The following MCF2 variants were observed in gnomAD, a reference collection of about 807,000 sequenced individuals.
MCF2 encodes proto-oncogene DBL.
MCF2 carries 44 observed loss-of-function variants against 82.5 expected under a neutral mutation model. The ratio of observed to expected loss-of-function variants is 0.53; its 90% CI spans 0.42 to 0.69. The LOEUF (loss-of-function observed/expected upper bound fraction) is 0.69, where lower values mean the gene tolerates loss of function less well. Ranked by LOEUF, MCF2 falls within the 30% of genes least tolerant of loss-of-function variation. MCF2 has a pLI of 0.00. For synonymous variants in MCF2, 217 were observed against 224.9 expected (o/e 0.96, Z 0.32); for missense variants, 623 against 663.1 (o/e 0.94, Z 0.66).
intron 19 of MCF2, among the ~76,000 whole-genome samples, chrX:139,591,755 A>G (rs1246383684): frequency 9.1e-6 from 1 of 110,253 alleles, no homozygotes; most frequent in African/African-American, 3.3e-5. Context: ...ACGGAGGGAG[A>G]GGGACAAGGG....
rs183927554 is a variant in MCF2, at chrX:139,586,676, T to A, written c.2523-189A>T. ...AATATACAAAAGCTTAAATCTCAGA[T>A]CCAAGCCAGCAGGTTCTCTATTATG... is the stretch of plus-strand genomic sequence containing the variant. On this transcript the variant is annotated intron_variant, in intron 22 of 24. Coordinates refer to ENST00000370576, the Ensembl canonical transcript of MCF2. Among the ~76,000 whole-genome samples the A allele has an allele frequency of 2.7e-5, 3 of 111,514 alleles. No homozygotes were observed. In the Admixed American group the frequency reaches 2.9e-4, roughly 11 times the overall value.
At chrX:139,588,061 G>A (rs1020936863) in intron 21 of MCF2, among the ~76,000 whole-genome samples, 29 of 111,298 alleles carry the variant, frequency 2.6e-4, no homozygotes, top group African/African-American at 9.1e-4. Context: ...ATGATTACTC[G>A]AGATATTAAG....
intron 1 of MCF2, among the ~76,000 whole-genome samples, chrX:139,636,304 T>G (rs780488978): frequency 3.6e-5 from 4 of 111,447 alleles, no homozygotes; most frequent in Non-Finnish European, 7.5e-5. Context: ...CATTATATTA[T>G]TATACTCACC....
chrX:139,632,587 T>C (rs565052336), intron 1 of MCF2, 133 bp from the exon 5 acceptor site: 19 of 417,665 alleles, frequency 4.5e-5, no homozygotes, highest in African/African-American at 3.0e-4. Context: ...GCCAACACTT[T>C]ACAAATGGAT....
At chrX:139,692,337 C>A (rs1424916883) in intron 1 of MCF2, among the ~76,000 whole-genome samples, 3 of 111,147 alleles carry the variant, frequency 2.7e-5, no homozygotes, top group Non-Finnish European at 3.8e-5. Context: ...TCCTCCGGAG[C>A]CCCCCTAGTA....
At chrX:139,672,498 T>C (rs866944041) in intron 1 of MCF2, among the ~76,000 whole-genome samples, 14 of 112,462 alleles carry the variant, frequency 1.2e-4, no homozygotes, top group African/African-American at 4.5e-4. Context: ...CATCAATACC[T>C]AGTTTATTGA....
At chrX:139,608,397 A>C (rs1453993728) in intron 11 of MCF2, among the ~76,000 whole-genome samples, 2 of 111,498 alleles carry the variant, frequency 1.8e-5, no homozygotes, top group African/African-American at 6.5e-5. Context: ...AGTCGCTATA[A>C]GTTGCCTCCC....
chrX:139,586,401 G>A, exon 23 of MCF2: 1 of 1,208,693 alleles, frequency 8.3e-7, no homozygotes, highest in Non-Finnish European at 1.1e-6. Context: ...TGCCTGAACT[G>A]ACGCAATTGC....
chrX:139,700,469 A>G (rs932385802), intron 1 of MCF2, among the ~76,000 whole-genome samples: 4 of 112,103 alleles, frequency 3.6e-5, no homozygotes, highest in African/African-American at 9.7e-5. Context: ...TTAATAGAAT[A>G]TTGATATTTT....
chrX:139,646,362 T>A (rs1933801630), upstream of MCF2, among the ~76,000 whole-genome samples: 1 of 112,011 alleles, frequency 8.9e-6, no homozygotes, highest in African/African-American at 3.2e-5. Flanking sequence ...AAATAATTTT[T>A]AATTTCAAGA....
intron 1 of MCF2, among the ~76,000 whole-genome samples, chrX:139,662,969 CATG>C (rs1934396790): frequency 8.9e-6 from 1 of 112,110 alleles, no homozygotes; most frequent in African/African-American, 3.2e-5. Context: ...CTGCAAATGA[CATG>C]ATTTCATTTT....
At chrX:139,702,737 G>A (rs1386147410) in intron 1 of MCF2, among the ~76,000 whole-genome samples, 2 of 112,476 alleles carry the variant, frequency 1.8e-5, no homozygotes, top group East Asian at 5.6e-4. Flanking sequence ...TACAAAATTG[G>A]GAAGGGAAGT....
rs778133267 is a variant in MCF2 at position 139,617,722 on chromosome X, A to G, written c.808-18T>C. On this transcript the variant is annotated intron_variant, in intron 7 of 24. Coordinates refer to ENST00000370576, the Ensembl canonical transcript of MCF2. ...AATAGCTCCTGATTATAACAAAGACAAAAAATAATGAATACATGATCTCTG... is the reference window on the plus strand; with the variant it reads ...AATAGCTCCTGATTATAACAAAGACGAAAAATAATGAATACATGATCTCTG... 2.2e-5 allele frequency: 23 copies of G among 1,027,560 alleles called. No homozygotes were observed. 84.7% of individuals were successfully genotyped at this position (1,027,560 alleles called of 1,213,427 possible).
At chrX:139,607,434 A>C (rs1931128978) in intron 12 of MCF2, 1 of 196,610 alleles carries the variant, frequency 5.1e-6, no homozygotes, top group Admixed American at 7.5e-5. Flanking sequence ...TTTTTTAAGA[A>C]TGATAAACGA....
intron 6 of MCF2, among the ~76,000 whole-genome samples, chrX:139,621,835 T>G (rs1264471844): frequency 1.8e-5 from 2 of 111,280 alleles, no homozygotes; most frequent in African/African-American, 6.6e-5. Context: ...ACTTCATGTC[T>G]AAAACACCGA....
chrX:139,619,026 A>C (rs750937364), intron 7 of MCF2, among the ~76,000 whole-genome samples: 8 of 111,531 alleles, frequency 7.2e-5, no homozygotes, highest in African/African-American at 9.7e-5. Context: ...ATAAGTAGAA[A>C]TATCTATGTG....
At position 139,675,190 on chromosome X, in the gene MCF2, C is replaced by T. The variant is rs182163160; in HGVS notation, c.-44-23402G>A. Among the ~76,000 whole-genome samples, 420 of 108,539 alleles carry T rather than the reference C, an allele frequency of 3.9e-3. 2 individuals are homozygous for T. The highest frequency in any genetic ancestry group is 0.014 in the South Asian group (36 of 2,642). The allele number at this position is 108,539 out of a possible 115,157, so 94.3% of individuals were successfully genotyped here. On this transcript the variant is annotated intron_variant, in intron 1 of 27. Coordinates refer to the MCF2 transcript ENST00000414978. ...CGTCAGGTCACTGTTTATTCTAGTT[C>T]GCCATTCGTCTAATCTTTTTTCAAG...
At chrX:139,615,037 T>C (rs780636666) in exon 10 of MCF2, 1 of 1,202,887 alleles carries the variant, frequency 8.3e-7, no homozygotes, top group African/African-American at 1.8e-5. Context: ...TTGAGTTGTA[T>C]AGTCTTCATT....
rs146693507 is a variant in MCF2 at position 139,586,037 on chromosome X, T to A, written c.2632+341A>T. On this transcript the variant is annotated intron_variant, in intron 23 of 24. Coordinates refer to ENST00000370576, the Ensembl canonical transcript of MCF2. ...TAGCAGGGGTTCCCAAACTTGACCA[T>A]GCATCAAAATCACAGAGAGAGCCTG... 3.7e-3 allele frequency among the ~76,000 whole-genome samples: 413 copies of A among 111,776 alleles called. 5 individuals are homozygous for A. Among genetic ancestry groups the A allele is most frequent in the African/African-American group, 0.012 (365 of 30,824 alleles).
Sources: gnomAD v4.1 joint callset for allele counts (sites outside exome capture counted in the v4.1 genomes callset) on GRCh38, gnomAD v4.1.1 for gene constraint, MANE v1.5 for transcripts, NCBI Gene and HGNC (gene_info 2026-07-23, HGNC 2026-07-21) for gene names.